CELF2: variants seen among roughly 807,000 people sequenced by gnomAD.
CELF2 encodes the protein CUG triplet repeat RNA-binding protein 2.
CELF2 carries 8 observed loss-of-function variants against 62.6 expected under a neutral mutation model. The ratio of observed to expected loss-of-function variants is 0.13; its 90% CI spans 0.07 to 0.23. The LOEUF (loss-of-function observed/expected upper bound fraction) is 0.23, where lower values mean the gene tolerates loss of function less well. Ranked by LOEUF, CELF2 falls within the 10% of genes least tolerant of loss-of-function variation. The pLI is 1.00. For missense variants in CELF2, 333 were observed against 671.0 expected (o/e 0.50, Z 5.56); for synonymous variants, 258 against 250.0 (o/e 1.03, Z -0.30).
intron 2 of CELF2, among the ~76,000 whole-genome samples, chr10:11,194,581 G>A (rs2399658): frequency 0.63 from 96,189 of 151,974 alleles, 31,208 homozygotes; most frequent in Non-Finnish European, 0.69. Flanking sequence ...AAGGCAAAGC[G>A]AGCTGCACAA....
chr10:10,537,311 C>G, the CELF2 span, among the ~76,000 whole-genome samples: 3 of 152,042 alleles, frequency 2.0e-5, no homozygotes, highest in Non-Finnish European at 2.9e-5. Flanking sequence ...GCTTTATAAC[C>G]GGCCCAGGAA....
chr10:11,148,542 C>T (rs989741209), intron 1 of CELF2, among the ~76,000 whole-genome samples: 2 of 152,186 alleles, frequency 1.3e-5, no homozygotes, highest in Non-Finnish European at 2.9e-5. Context: ...GACACTCTCA[C>T]TGTCTGCTGG....
the CELF2 span, among the ~76,000 whole-genome samples, chr10:10,591,254 C>A: frequency 2.6e-5 from 4 of 151,904 alleles, no homozygotes; most frequent in African/African-American, 9.7e-5. Context: ...TTTATAATAT[C>A]AAAAATGATT....
the CELF2 span, among the ~76,000 whole-genome samples, chr10:10,477,251 G>T: frequency 1.8e-3 from 271 of 152,262 alleles, 2 homozygotes; most frequent in African/African-American, 6.2e-3. Flanking sequence ...CATTCCATAA[G>T]ATGGGGTTGG....
At chr10:10,707,695 T>C in the CELF2 span, among the ~76,000 whole-genome samples, 42 of 152,342 alleles carry the variant, frequency 2.8e-4, no homozygotes, top group South Asian at 6.4e-3. Context: ...ACAAGATTCC[T>C]GCATTGGGTG....
At chr10:11,289,555 T>C (rs1351794994) in intron 9 of CELF2, among the ~76,000 whole-genome samples, 1 of 152,178 alleles carries the variant, frequency 6.6e-6, no homozygotes, top group African/African-American at 2.4e-5. Context: ...CTAAGACATT[T>C]CACCTGGGGG....
At chr10:10,842,057 G>A (rs972995089) in intron 1 of CELF2, among the ~76,000 whole-genome samples, 5 of 152,008 alleles carry the variant, frequency 3.3e-5, no homozygotes, top group African/African-American at 1.2e-4. Context: ...TGATGCGATT[G>A]TAAATGGTAT....
intron 2 of CELF2, among the ~76,000 whole-genome samples, chr10:10,958,235 A>G (rs1380067502): frequency 6.6e-6 from 1 of 152,258 alleles, no homozygotes; most frequent in African/African-American, 2.4e-5. Context: ...GCTTTTTCCC[A>G]GAAATATCAC....
At chr10:11,134,069 T>C (rs2060024966) in intron 1 of CELF2, among the ~76,000 whole-genome samples, 1 of 152,228 alleles carries the variant, frequency 6.6e-6, no homozygotes, top group South Asian at 2.1e-4. Flanking sequence ...CATAGCGATA[T>C]TTGTAAATAT....
At chr10:11,206,679 T>C (rs2060506294) in intron 2 of CELF2, among the ~76,000 whole-genome samples, 1 of 152,242 alleles carries the variant, frequency 6.6e-6, no homozygotes, top group Non-Finnish European at 1.5e-5. Flanking sequence ...AGTTGGCTTG[T>C]TACATTCAAC....
intron 1 of CELF2, among the ~76,000 whole-genome samples, chr10:11,131,926 C>T (rs764838322): frequency 5.9e-5 from 9 of 152,292 alleles, no homozygotes; most frequent in Non-Finnish European, 1.0e-4. Context: ...ATAGAGAAAA[C>T]TCATAGCAGT....
intron 1 of CELF2, among the ~76,000 whole-genome samples, chr10:11,067,194 C>T (rs1229737274): frequency 6.6e-6 from 1 of 152,130 alleles, no homozygotes; most frequent in African/African-American, 2.4e-5. Flanking sequence ...GAAATGAGTT[C>T]TAAGGAGGAA....
chr10:10,907,434 A>G (rs2063439991), intron 1 of CELF2, among the ~76,000 whole-genome samples: 1 of 152,236 alleles, frequency 6.6e-6, no homozygotes, highest in Admixed American at 6.5e-5. Context: ...CTTTTAAAGA[A>G]CAAGTAGAGA....
chr10:10,735,040 A>G, the CELF2 span, among the ~76,000 whole-genome samples: 1 of 152,196 alleles, frequency 6.6e-6, no homozygotes. Flanking sequence ...ATTTTGGGAA[A>G]TTCATCTTCT....
In CELF2 at chr10:11,110,259, G is replaced by A. The variant is rs2054787415; in HGVS notation, c.75-55227G>A. 6.6e-6 allele frequency among the ~76,000 whole-genome samples: 1 copy of A among 151,620 alleles called. No individual in the cohort carries two copies. Among genetic ancestry groups the A allele is most frequent in the Non-Finnish European group, 1.5e-5 (1 of 67,926 alleles). ...ACCGCACTCCAGCATGGGCGACAGA[G>A]CAAGACCATGTCTTAAAAAAAAAAA... is the stretch of plus-strand genomic sequence containing the variant. On this transcript the variant is annotated intron_variant, in intron 1 of 12. Transcript: ENST00000633077. This position sits in a 1 kb window ranked among gnomAD's most constrained non-coding sequence, Gnocchi z 4.0.
intron 2 of CELF2, among the ~76,000 whole-genome samples, chr10:10,971,117 G>A (rs2050707294): frequency 6.6e-6 from 1 of 152,148 alleles, no homozygotes; most frequent in Non-Finnish European, 1.5e-5. Context: ...CCTTTGGAGT[G>A]GCTTTCGTTC....
intron 1 of CELF2, among the ~76,000 whole-genome samples, chr10:10,834,203 T>C (rs560434156): frequency 6.6e-6 from 1 of 152,228 alleles, no homozygotes; most frequent in South Asian, 2.1e-4. Context: ...GCGAAGTAAC[T>C]CAGGAACAGA....
In CELF2 at chr10:11,297,694, G is replaced by C. The variant is rs1315599964; in HGVS notation, c.976+9142G>C. Reference sequence around the variant, plus strand: ...TTTTTAAAAATCTGTAATGGGGCCAGTCATGGCAGTTCACACCTGTAATCC... The same window carrying C: ...TTTTTAAAAATCTGTAATGGGGCCACTCATGGCAGTTCACACCTGTAATCC... On this transcript the variant is annotated intron_variant, in intron 9 of 12. Coordinates refer to ENST00000633077, the MANE Select transcript of CELF2 (RefSeq NM_001326342.2). This position sits in a 1 kb window ranked among gnomAD's most constrained non-coding sequence, Gnocchi z 4.4. Among the ~76,000 whole-genome samples the C allele has an allele frequency of 6.6e-6, 1 of 152,248 alleles. No individual in the cohort carries two copies. Among genetic ancestry groups the C allele is most frequent in the African/African-American group, 2.4e-5 (1 of 41,472 alleles).
chr10:10,543,807 T>C, the CELF2 span, among the ~76,000 whole-genome samples: 1 of 152,118 alleles, frequency 6.6e-6, no homozygotes, highest in African/African-American at 2.4e-5. Context: ...ATGCCCCCTC[T>C]CCCGCTTCAG....
Sources: gnomAD v4.1 joint callset for allele counts (sites outside exome capture counted in the v4.1 genomes callset) on GRCh38, gnomAD v4.1.1 for gene constraint, Gnocchi (gnomAD v3.1) non-coding constraint, MANE v1.5 for transcripts, NCBI Gene and HGNC (gene_info 2026-07-23, HGNC 2026-07-21) for gene names.